The following WDR7 variants were observed in gnomAD, a reference collection of about 807,000 sequenced individuals.
The protein encoded by WDR7 is WD repeat-containing protein 7.
In WDR7, 46 loss-of-function variants were observed where a neutral mutation model predicts 169.4. The ratio of observed to expected loss-of-function variants is 0.27; its 90% confidence interval spans 0.21 to 0.35. The LOEUF (loss-of-function observed/expected upper bound fraction) is 0.35, where lower values mean the gene tolerates loss of function less well. Among genes scored for constraint, WDR7 ranks in the 10% least tolerant of loss-of-function variants. The pLI is 1.00. For missense variants in WDR7, 1,534 were observed against 1,859.3 expected (o/e 0.83, Z 3.22); for synonymous variants, 612 against 666.8 (o/e 0.92, Z 1.27).
At chr18:56,932,901 GTGTGTC>G in intron 22 of WDR7, among the ~76,000 whole-genome samples, 1 of 148,992 alleles carries the variant, frequency 6.7e-6, no homozygotes, top group Non-Finnish European at 1.5e-5. Context: ...GTGTGTGTGT[GTGTGTC>G]TATCTGTCTG....
At chr18:56,755,115 C>A (rs1317023423) in intron 14 of WDR7, among the ~76,000 whole-genome samples, 1 of 150,558 alleles carries the variant, frequency 6.6e-6, no homozygotes, top group Admixed American at 6.6e-5. Context: ...TTTCTTTTGG[C>A]AATAGTATTA....
chr18:56,935,879 G>A lies in WDR7; in HGVS notation c.3805G>A (p.Ala1269Thr), dbSNP rs148451297. Residue 1269 changes from alanine to threonine, a missense_variant, in exon 23 of 28, where the codon GCC becomes ACC. Ala to Thr is a moderately conservative substitution (Grantham distance 58). Coordinates refer to ENST00000254442, the MANE Select transcript of WDR7 (RefSeq NM_015285.3). Reference protein sequence around the residue: ...LSLIATARPPAFITTIAKEVH... With the variant: ...LSLIATARPPTFITTIAKEVH... ...GCTCATTGCCACCGCCAGACCACCC[G>A]CCTTCATCACCACCATAGCCAAAGA... is the stretch of plus-strand genomic sequence containing the variant. 6.2e-7 allele frequency: 1 copy of A among 1,613,852 alleles called. No homozygotes were observed. The highest frequency in any genetic ancestry group is 8.5e-7 in the Non-Finnish European group (1 of 1,179,924).
At chr18:57,018,544 C>G (rs1280505487) in intron 26 of WDR7, among the ~76,000 whole-genome samples, 2 of 152,222 alleles carry the variant, frequency 1.3e-5, no homozygotes, top group Non-Finnish European at 2.9e-5. Flanking sequence ...CACATGTGAA[C>G]AGAGGCCCAG....
In WDR7 at chr18:56,691,263, A is replaced by C; in HGVS notation, c.765A>C (p.Glu255Asp). 6.2e-7 allele frequency: 1 copy of C among 1,610,216 alleles called. No individual in the cohort carries two copies. The highest frequency in any genetic ancestry group is 8.5e-7 in the Non-Finnish European group (1 of 1,179,176). The change falls in exon 8 of 28, where the codon GAA (glutamate) becomes GAC (aspartate). Residue 255 changes from glutamate to aspartate, a missense_variant. Glu to Asp is a conservative substitution (Grantham distance 45). Coordinates refer to ENST00000254442, the MANE Select transcript of WDR7 (RefSeq NM_015285.3). Reference sequence around the variant, plus strand: ...CCTTGTTGTGTTCAGGTCCTAGTGAAAATGGACAGACATGGACCGGGGGGG... The same window carrying C: ...CCTTGTTGTGTTCAGGTCCTAGTGACAATGGACAGACATGGACCGGGGGGG... ...DYSLLCSGPSENGQTWTGGDF... is the reference protein window; with the variant it reads ...DYSLLCSGPSDNGQTWTGGDF...
At chr18:56,765,946 T>C (rs1259081867) in intron 16 of WDR7, among the ~76,000 whole-genome samples, 1 of 152,166 alleles carries the variant, frequency 6.6e-6, no homozygotes, top group African/African-American at 2.4e-5. Flanking sequence ...TGCATGCTAA[T>C]CTTTCTTTTA....
intron 19 of WDR7, among the ~76,000 whole-genome samples, chr18:56,801,050 A>G (rs917424696): frequency 6.6e-6 from 1 of 152,210 alleles, no homozygotes; most frequent in African/African-American, 2.4e-5. Flanking sequence ...TCTGTATATT[A>G]AAGTGGATAT....
intron 19 of WDR7, among the ~76,000 whole-genome samples, chr18:56,806,434 A>T (rs2044774502): frequency 6.6e-6 from 1 of 152,098 alleles, no homozygotes; most frequent in Admixed American, 6.5e-5. Context: ...TTCAAATGAA[A>T]ACTTCTGTAA....
At chr18:56,962,567 G>A (rs946799402) in intron 26 of WDR7, 38 bp downstream of exon 26, 13 of 1,589,688 alleles carry the variant, frequency 8.2e-6, no homozygotes, top group East Asian at 4.5e-5. Flanking sequence ...CATAAAGCGT[G>A]GAAGTTATTG....
At position 57,027,877 on chromosome 18, in the gene WDR7, T is replaced by G. The variant is rs187140119; in HGVS notation, c.*670T>G. On this transcript the variant is annotated 3_prime_UTR_variant, in exon 28 of 28. Transcript: ENST00000254442. ...TGTAGAAAATAGTTTTCCAGACACTTAGCCTTCTGAAGTGCTCATCTCTTG... is the reference window on the plus strand; with the variant it reads ...TGTAGAAAATAGTTTTCCAGACACTGAGCCTTCTGAAGTGCTCATCTCTTG... 1,210 of 152,506 alleles carry G rather than the reference T, an allele frequency of 7.9e-3. 7 individuals carry two copies. The highest frequency in any genetic ancestry group is 0.02 in the Middle Eastern group (6 of 294). 9.4% of individuals were successfully genotyped at this position (152,506 alleles called of 1,614,324 possible). A position where few individuals can be genotyped will look rare whatever the true frequency, so the allele number is the denominator to read the frequency against.
chr18:56,917,835 T>C (rs1368161815), intron 21 of WDR7, among the ~76,000 whole-genome samples: 1 of 152,128 alleles, frequency 6.6e-6, no homozygotes, highest in Non-Finnish European at 1.5e-5. Context: ...CTTTGCTCTT[T>C]CATATCACCT....
downstream of WDR7, chr18:57,032,262 T>C (rs1657393): frequency 0.9 from 137,258 of 152,292 alleles, 62,051 homozygotes; most frequent in East Asian, 0.99. Context: ...CTTCCAAATA[T>C]GCATCTATCG....
intron 26 of WDR7, among the ~76,000 whole-genome samples, chr18:56,983,568 CACAG>C (rs1287543335): frequency 1.1e-4 from 16 of 145,198 alleles, no homozygotes; most frequent in Admixed American, 4.0e-4. Flanking sequence ...CACACACACA[CACAG>C]AGAGAGAGAG....
rs1193718402 is a variant in WDR7 at position 56,718,026 on chromosome 18, G to C, written c.1641G>C (p.Leu547Phe). 6.2e-7 allele frequency: 1 copy of C among 1,614,090 alleles called. No homozygotes were observed. The highest frequency in any genetic ancestry group is 1.7e-5 in the Admixed American group (1 of 60,030). The change falls in exon 13 of 28, where the codon TTG (leucine) becomes TTC (phenylalanine). Residue 547 changes from leucine to phenylalanine, a missense_variant. By Grantham distance (22) the Leu-to-Phe change is conservative (BLOSUM62 0). Coordinates refer to ENST00000254442, the MANE Select transcript of WDR7 (RefSeq NM_015285.3). ...ACCACTCAGTAGGACTTCTAAGTTT[G>C]CGAGAGAAAAAATGCATAATGTTGG... ...ASDHSVGLLS[L>F]REKKCIMLAS...
At chr18:57,015,612 C>T (rs997305052) in intron 26 of WDR7, among the ~76,000 whole-genome samples, 8 of 152,320 alleles carry the variant, frequency 5.3e-5, no homozygotes, top group African/African-American at 4.8e-5. Context: ...ATGAAATCTA[C>T]GGGCTCCTGT....
At chr18:56,660,513 TC>T (rs1015596166) in intron 1 of WDR7, among the ~76,000 whole-genome samples, 15 of 152,074 alleles carry the variant, frequency 9.9e-5, no homozygotes, top group African/African-American at 2.9e-4. Flanking sequence ...CTAAAACACT[TC>T]TGATCCCAAG....
intron 26 of WDR7, among the ~76,000 whole-genome samples, chr18:57,000,282 G>T (rs1482235449): frequency 1.3e-5 from 2 of 152,134 alleles, no homozygotes; most frequent in East Asian, 3.8e-4. Context: ...CAGTGGCCAA[G>T]AAGAAGAGAA....
At chr18:56,673,212 A>T (rs1454695025) in intron 2 of WDR7, among the ~76,000 whole-genome samples, 1 of 151,822 alleles carries the variant, frequency 6.6e-6, no homozygotes, top group African/African-American at 2.4e-5. Flanking sequence ...TCTAATTCCA[A>T]CATAACACCA....
rs1599098152 is a variant in WDR7, at chr18:56,849,042, G to C, written c.3305-30902G>C. Among the ~76,000 whole-genome samples the C allele has an allele frequency of 2.0e-5, 3 of 152,132 alleles. No individual in the cohort carries two copies. The East Asian group carries it at 5.8e-4, about 29-fold the overall frequency. On this transcript the variant is annotated intron_variant, in intron 20 of 27. Coordinates refer to ENST00000254442, the MANE Select transcript of WDR7 (RefSeq NM_015285.3). Reference sequence around the variant, plus strand: ...TTCGTGGCTCTTTCCTTCTAAATCAGACTTATATATCAACTTTTAAAATTG... The same window carrying C: ...TTCGTGGCTCTTTCCTTCTAAATCACACTTATATATCAACTTTTAAAATTG...
At chr18:56,801,299 T>G (rs1313147284) in intron 19 of WDR7, among the ~76,000 whole-genome samples, 1 of 151,856 alleles carries the variant, frequency 6.6e-6, no homozygotes, top group Non-Finnish European at 1.5e-5. Context: ...GTCTTTAGCT[T>G]TACATTAACC....
Sources: allele counts gnomAD v4.1 joint callset (sites outside exome capture counted in the v4.1 genomes callset), GRCh38; gene constraint gnomAD v4.1.1; transcripts MANE v1.5; gene names NCBI Gene and HGNC (gene_info 2026-07-23, HGNC 2026-07-21).